Variants in RSF1 observed in about 807,000 individuals in gnomAD.
RSF1 encodes HBV pX-associated protein 8.
Under a neutral mutation model 145.2 loss-of-function variants are expected in RSF1, and 13 were observed. The ratio of observed to expected loss-of-function variants is 0.09; its 90% confidence interval spans 0.06 to 0.14. The LOEUF is 0.14. Among genes scored for constraint, RSF1 ranks in the 10% least tolerant of loss-of-function variants. The pLI is 1.00. For synonymous variants in RSF1, 577 were observed against 592.6 expected (o/e 0.97, Z 0.38); for missense variants, 1,517 against 1,718.2 (o/e 0.88, Z 2.07).
intron 12 of RSF1, among the ~76,000 whole-genome samples, chr11:77,677,478 A>T (rs1446242165): frequency 6.6e-6 from 1 of 152,232 alleles, no homozygotes; most frequent in African/African-American, 2.4e-5. Context: ...GGACAGAAAA[A>T]GTGAGAATTC....
intron 5 of RSF1, among the ~76,000 whole-genome samples, chr11:77,715,388 CA>C (rs1426362040): frequency 3.3e-5 from 5 of 152,046 alleles, no homozygotes; most frequent in Non-Finnish European, 7.4e-5. Context: ...AATGTTGTAA[CA>C]ATAACATCTG....
Position 77,672,237 on chromosome 11 carries a change from TA to T in RSF1, c.3563-8del, listed in dbSNP as rs1412004705. Reference sequence around the variant, plus strand: ...TCATCACTGAAGTCACTTTCTATTTTAAAAAAAGGAAGAACAAAGTACAAAA... The same window carrying T: ...TCATCACTGAAGTCACTTTCTATTTTAAAAAAGGAAGAACAAAGTACAAAA... On this transcript the variant is annotated splice_region_variant and splice_polypyrimidine_tract_variant and intron_variant, in intron 14 of 15. Coordinates refer to ENST00000308488, the MANE Select transcript of RSF1 (RefSeq NM_016578.4). The T allele has an allele frequency of 1.9e-6, 3 of 1,575,082 alleles. No individual in the cohort carries two copies. The highest frequency in any genetic ancestry group is 1.2e-5 in the South Asian group (1 of 83,624).
chr11:77,713,264 T>C (rs527489108), intron 5 of RSF1, among the ~76,000 whole-genome samples: 6 of 152,338 alleles, frequency 3.9e-5, no homozygotes, highest in South Asian at 4.1e-4. Context: ...AAAGAGATTA[T>C]AGATATTGGT....
chr11:77,854,790 C>A, the RSF1 span, among the ~76,000 whole-genome samples: 1 of 152,242 alleles, frequency 6.6e-6, no homozygotes, highest in African/African-American at 2.4e-5. Context: ...TAACCACTGT[C>A]CCAGTGGGGA....
At chr11:77,746,037 C>T (rs761632739) in intron 3 of RSF1, among the ~76,000 whole-genome samples, 17 of 151,890 alleles carry the variant, frequency 1.1e-4, no homozygotes, top group Non-Finnish European at 2.4e-4. Context: ...TCAGTAGCAT[C>T]CCCCTAACCT....
chr11:77,715,401 A>T (rs1960783824), intron 5 of RSF1, among the ~76,000 whole-genome samples: 1 of 152,206 alleles, frequency 6.6e-6, no homozygotes, highest in African/African-American at 2.4e-5. Flanking sequence ...TAACATCTGT[A>T]TTTATTAGTC....
the RSF1 span, among the ~76,000 whole-genome samples, chr11:77,827,804 G>C: frequency 6.6e-6 from 1 of 152,126 alleles, no homozygotes; most frequent in Non-Finnish European, 1.5e-5. Context: ...AAGGCATCCA[G>C]ATTGGCATGG....
chr11:77,769,097 G>C (rs759402960), intron 1 of RSF1, among the ~76,000 whole-genome samples: 4 of 151,928 alleles, frequency 2.6e-5, no homozygotes, highest in African/African-American at 9.7e-5. Flanking sequence ...TCGCTCTGTC[G>C]CCCAGGCTGG....
At chr11:77,691,827 G>C (rs953853997) in intron 8 of RSF1, 2 of 152,202 alleles carry the variant, frequency 1.3e-5, no homozygotes, top group Admixed American at 1.3e-4. Flanking sequence ...AAATGTACTT[G>C]ATAATAAAGC....
intron 4 of RSF1, among the ~76,000 whole-genome samples, chr11:77,726,908 T>A (rs1213485956): frequency 6.6e-6 from 1 of 152,208 alleles, no homozygotes; most frequent in African/African-American, 2.4e-5. Context: ...GGCCTCAGCT[T>A]TCTTATTTAT....
intron 9 of RSF1, among the ~76,000 whole-genome samples, chr11:77,686,408 C>CAAAGAAAAAAAAAAAAAA (rs1960006227): frequency 2.7e-5 from 1 of 37,132 alleles, no homozygotes; most frequent in Non-Finnish European, 4.7e-5. Flanking sequence ...GACCCTGTCT[C>CAAAGAAAAAAAAAAAAAA]AAAAAAAAAA....
chr11:77,710,506 T>C (rs528658996), intron 5 of RSF1, among the ~76,000 whole-genome samples: 8 of 152,364 alleles, frequency 5.3e-5, no homozygotes, highest in African/African-American at 1.9e-4. Context: ...TCCACTGTCC[T>C]ACAGTTTCCA....
intron 3 of RSF1, among the ~76,000 whole-genome samples, chr11:77,742,240 G>C (rs146684857): frequency 2.0e-5 from 3 of 152,034 alleles, no homozygotes; most frequent in Non-Finnish European, 2.9e-5. Flanking sequence ...CATAATAGCC[G>C]AACTAATTTA....
At chr11:77,828,039 G>A in the RSF1 span, among the ~76,000 whole-genome samples, 19,574 of 152,022 alleles carry the variant, frequency 0.13, 1,446 homozygotes, top group Admixed American at 0.2. Flanking sequence ...TTTGGGAGGC[G>A]AGGTAGGTGG....
At chr11:77,777,960 C>A (rs1948359335) in intron 1 of RSF1, among the ~76,000 whole-genome samples, 1 of 148,434 alleles carries the variant, frequency 6.7e-6, no homozygotes, top group South Asian at 2.2e-4. Flanking sequence ...TAAAATCTAA[C>A]CTAACAGAAA....
At chr11:77,723,717 T>C (rs191518557) in intron 5 of RSF1, among the ~76,000 whole-genome samples, 1 of 152,354 alleles carries the variant, frequency 6.6e-6, no homozygotes, top group East Asian at 1.9e-4. Context: ...TATGGAATGC[T>C]TTCTATAAAT....
At chr11:77,765,470 C>T (rs1367579977) in intron 1 of RSF1, among the ~76,000 whole-genome samples, 1 of 152,174 alleles carries the variant, frequency 6.6e-6, no homozygotes, top group Non-Finnish European at 1.5e-5. Context: ...CTGGATAGTT[C>T]TAATTACTAG....
the RSF1 span, among the ~76,000 whole-genome samples, chr11:77,829,036 C>T: frequency 2.0e-5 from 3 of 152,276 alleles, no homozygotes; most frequent in African/African-American, 7.2e-5. Context: ...ACTGTGTCTC[C>T]CCCAGATTCA....
chr11:77,852,433 G>T, the RSF1 span, among the ~76,000 whole-genome samples: 1 of 151,972 alleles, frequency 6.6e-6, no homozygotes, highest in Non-Finnish European at 1.5e-5. Flanking sequence ...ACATGATTCA[G>T]AATTCAAACT....
Sources: gnomAD v4.1 joint callset for allele counts (sites outside exome capture counted in the v4.1 genomes callset) on GRCh38, gnomAD v4.1.1 for gene constraint, MANE v1.5 for transcripts, NCBI Gene and HGNC (gene_info 2026-07-23, HGNC 2026-07-21) for gene names.